Variants in ARSD observed in about 807,000 individuals in gnomAD.
ARSD encodes the protein arylsulfatase D.
ARSD carries 21 observed loss-of-function variants against 32.6 expected under a neutral mutation model. That is an observed-to-expected ratio of 0.64 (90% CI 0.46 to 0.93). ARSD has a LOEUF of 0.93. Among genes scored for constraint, ARSD ranks in the 40% least tolerant of loss-of-function variants. The probability of loss-of-function intolerance (pLI) is 0.00; values close to 1 mark genes in which losing one functional copy is unlikely to be tolerated. For missense variants in ARSD, 454 were observed against 520.9 expected (o/e 0.87, Z 1.25); for synonymous variants, 224 against 237.4 (o/e 0.94, Z 0.52).
intron 1 of ARSD, 32 bp downstream of exon 1, chrX:2,929,200 T>C (rs1004315197): frequency 2.9e-6 from 3 of 1,029,466 alleles, no homozygotes. Flanking sequence ...CCCTAGGCCT[T>C]AGTATGGGCC....
chrX:2,924,329 C>T (rs771216702), intron 2 of ARSD, among the ~76,000 whole-genome samples: 12 of 113,672 alleles, frequency 1.1e-4, no homozygotes, highest in South Asian at 3.5e-4. Flanking sequence ...CCACCGTGCC[C>T]GGCCCACACA....
chrX:2,909,339 C>T (rs903990905), intron 8 of ARSD, among the ~76,000 whole-genome samples: 3 of 110,780 alleles, frequency 2.7e-5, no homozygotes, highest in African/African-American at 9.9e-5. Flanking sequence ...AGGCACAAGC[C>T]ACCACACTCG....
At position 2,925,838 on chromosome X, in the gene ARSD, C is replaced by T. The variant is rs73632980; in HGVS notation, c.45-73G>A. Reference sequence around the variant, plus strand: ...GGGAAGTAGGCATTTCAAGGCAGCTCGCTGGGAAGGCGAAGGTCTTACCAC... The same window carrying T: ...GGGAAGTAGGCATTTCAAGGCAGCTTGCTGGGAAGGCGAAGGTCTTACCAC... On this transcript the variant is annotated intron_variant, in intron 1 of 9. Coordinates refer to ENST00000381154, the MANE Select transcript of ARSD (RefSeq NM_001669.4). 18,097 of 1,061,831 alleles carry T rather than the reference C, an allele frequency of 0.017. 882 individuals are homozygous for T. The African/African-American group carries it at 0.19, about 11-fold the overall frequency. 87.5% of individuals were successfully genotyped at this position (1,061,831 alleles called of 1,213,427 possible).
intron 6 of ARSD, chrX:2,914,420 G>C (rs79305871): frequency 1.6e-4 from 28 of 175,917 alleles, no homozygotes; most frequent in Admixed American, 3.6e-4. Context: ...TGTAGAGATG[G>C]GGGGGGGGGG....
intron 1 of ARSD, among the ~76,000 whole-genome samples, chrX:2,926,303 T>C (rs1603461356): frequency 2.7e-5 from 3 of 111,744 alleles, no homozygotes; most frequent in South Asian, 7.6e-4. Flanking sequence ...GTTCCTTTAG[T>C]CCCCAACAAA....
intron 6 of ARSD, chrX:2,914,342 C>T (rs1171228137): frequency 2.0e-6 from 1 of 509,058 alleles, no homozygotes; most frequent in African/African-American, 2.7e-5. Context: ...AAATGATCTT[C>T]CCACCTCAGC....
rs189944364 is a variant in ARSD, at chrX:2,904,975, C to T, written c.*2296G>A. The T allele has an allele frequency of 6.0e-6, 2 of 333,093 alleles. No homozygotes were observed. Among genetic ancestry groups the T allele is most frequent in the East Asian group, 2.0e-4 (2 of 9,920 alleles). The allele number at this position is 333,093 out of a possible 1,213,427, so 27.5% of individuals were successfully genotyped here. On this transcript the variant is annotated 3_prime_UTR_variant, in exon 10 of 10. Coordinates refer to ENST00000381154, the MANE Select transcript of ARSD (RefSeq NM_001669.4). ...CTGTGTGTCCCTCCAGATCCCTCTC[C>T]AGCCCTAGAAACCTGAGCTCTATAA...
At chrX:2,923,644 T>C (rs776657357) in intron 2 of ARSD, among the ~76,000 whole-genome samples, 2 of 111,493 alleles carry the variant, frequency 1.8e-5, no homozygotes, top group African/African-American at 6.5e-5. Context: ...TCTGTGTGTG[T>C]CTGTGTCCTC....
At position 2,905,082 on chromosome X, in the gene ARSD, G is replaced by C. The variant is rs771975805; in HGVS notation, c.*2189C>G. The C allele has an allele frequency of 7.7e-5, 26 of 337,114 alleles. No individual in the cohort carries two copies. Among genetic ancestry groups the C allele is most frequent in the South Asian group, 6.3e-4 (24 of 37,881 alleles). 27.8% of individuals were successfully genotyped at this position (337,114 alleles called of 1,213,427 possible). A position where few individuals can be genotyped will look rare whatever the true frequency, so the allele number is the denominator to read the frequency against. On this transcript the variant is annotated 3_prime_UTR_variant, in exon 10 of 10. Transcript: ENST00000381154. ...ATGCCCCTGTAGGATTTGGACACAGGGAGCCAGGGGAGAGGGGCATCAGCT... is the reference window on the plus strand; with the variant it reads ...ATGCCCCTGTAGGATTTGGACACAGCGAGCCAGGGGAGAGGGGCATCAGCT...
rs749321518 is a variant in ARSD at position 2,905,337 on chromosome X, A to G, written c.*1934T>C. On this transcript the variant is annotated 3_prime_UTR_variant, in exon 10 of 10. Coordinates refer to ENST00000381154, the MANE Select transcript of ARSD (RefSeq NM_001669.4). The stretch of plus-strand genomic sequence containing the variant: ...CAGTATGCTTCCTGCAAAGACCTCG[A>G]TAGATGGACTGAGGGGAATAGTGCA... The G allele has an allele frequency of 3.6e-4, 77 of 210,984 alleles. No homozygotes were observed. The highest frequency in any genetic ancestry group is 2.1e-3 in the African/African-American group (71 of 33,373). The allele number at this position is 210,984 out of a possible 1,213,427, so 17.4% of individuals were successfully genotyped here.
chrX:2,919,463 G>T (rs2147323324), intron 4 of ARSD, among the ~76,000 whole-genome samples: 1 of 108,184 alleles, frequency 9.2e-6, no homozygotes, highest in African/African-American at 3.4e-5. Flanking sequence ...ACTGCCTGGT[G>T]CTTGGCGGCA....
intron 1 of ARSD, among the ~76,000 whole-genome samples, chrX:2,928,224 C>T (rs754650427): frequency 9.3e-6 from 1 of 107,129 alleles, no homozygotes; most frequent in Non-Finnish European, 1.9e-5. Flanking sequence ...CGGCACAAGG[C>T]CAAGGCGCCG....
At chrX:2,919,353 G>A (rs2089007968) in intron 4 of ARSD, among the ~76,000 whole-genome samples, 1 of 107,753 alleles carries the variant, frequency 9.3e-6, no homozygotes, top group Non-Finnish European at 1.9e-5. Flanking sequence ...AGGTCGGGGC[G>A]GGTGGCCTCA....
In ARSD at chrX:2,917,875, G is replaced by A. The variant is rs1440417435; in HGVS notation, c.792C>T (p.Val264=). ...WNCILMRNHD[V]TEQPMVLEKT... ...TCTCCAGAACCATGGGTTGCTCCGT[G>A]ACGTCATGGTTTCTCATCAGGATAC... The change falls in exon 5 of 10, where the codon GTC becomes GTT. Residue 264 remains valine (V), a synonymous_variant. Transcript: ENST00000381154. The A allele has an allele frequency of 2.5e-6, 3 of 1,210,770 alleles. No individual in the cohort carries two copies. Among genetic ancestry groups the A allele is most frequent in the Admixed American group, 4.4e-5 (2 of 45,912 alleles).
intron 1 of ARSD, among the ~76,000 whole-genome samples, chrX:2,927,228 A>G (rs2089091657): frequency 2.4e-5 from 2 of 85,000 alleles, no homozygotes; most frequent in Non-Finnish European, 4.4e-5. Context: ...TGAAAGGAAA[A>G]TCCTAACTTT....
intron 1 of ARSD, among the ~76,000 whole-genome samples, chrX:2,928,199 G>A (rs1043018208): frequency 9.2e-6 from 1 of 109,144 alleles, no homozygotes; most frequent in African/African-American, 3.3e-5. Flanking sequence ...GTGCTAGAGG[G>A]TGGGGACATG....
At position 2,917,922 on chromosome X, in the gene ARSD, C is replaced by T; in HGVS notation, c.745G>A (p.Gly249Arg). The T allele has an allele frequency of 1.7e-6, 2 of 1,212,103 alleles. No homozygotes were observed. The highest frequency in any genetic ancestry group is 2.2e-6 in the Non-Finnish European group (2 of 895,501). ...ATACAGTTCCAGCGTCGCACAAACC[C>T]GAAGGAGGAGTACCAAGAGATGAAA... ...LFFISWYSSF[G>R]FVRRWNCILM... Residue 249 changes from glycine to arginine, a missense_variant, in exon 5 of 10, where the codon GGG becomes AGG. By Grantham distance (125) the Gly-to-Arg change is moderately radical. Coordinates refer to ENST00000381154, the MANE Select transcript of ARSD (RefSeq NM_001669.4).
chrX:2,908,669 T>G (rs1440828808), intron 9 of ARSD, 52 bp downstream of exon 9: 2 of 1,121,543 alleles, frequency 1.8e-6, no homozygotes, highest in Non-Finnish European at 2.4e-6. Flanking sequence ...TATCCACACA[T>G]CCTATTGGCT....
rs2088837863 is a variant in ARSD at position 2,904,438 on chromosome X, A to G, written c.*2833T>C. On this transcript the variant is annotated 3_prime_UTR_variant, in exon 10 of 10. Transcript: ENST00000381154. ...TGGTGGCTGCTTTAAGACACATACC[A>G]CATCTAGATTTCAACCTCCAGAAAA... is the stretch of plus-strand genomic sequence containing the variant. The G allele has an allele frequency of 9.0e-6, 1 of 111,599 alleles. No homozygotes were observed. Among genetic ancestry groups the G allele is most frequent in the Non-Finnish European group, 1.9e-5 (1 of 53,331 alleles). The allele number at this position is 111,599 out of a possible 1,213,427, so 9.2% of individuals were successfully genotyped here.
Sources: gnomAD v4.1 joint callset for allele counts (sites outside exome capture counted in the v4.1 genomes callset) on GRCh38, gnomAD v4.1.1 for gene constraint, MANE v1.5 for transcripts, NCBI Gene and HGNC (gene_info 2026-07-23, HGNC 2026-07-21) for gene names.